Variants in FAM20A observed in about 807,000 individuals in gnomAD.
The protein encoded by FAM20A is FAM20A golgi associated secretory pathway pseudokinase.
Under a neutral mutation model 52.0 loss-of-function variants are expected in FAM20A, and 42 were observed. That is an observed-to-expected ratio of 0.81 (90% CI 0.63 to 1.04). The LOEUF (loss-of-function observed/expected upper bound fraction) is 1.04, where lower values mean the gene tolerates loss of function less well. FAM20A is among the 50% of genes least tolerant of loss of function. FAM20A has a pLI of 0.00. For synonymous variants in FAM20A, 304 were observed against 298.9 expected, an observed-to-expected ratio of 1.02 and a Z score of -0.18; for missense variants, 742 against 712.7, an observed-to-expected ratio of 1.04 and a Z score of -0.47.
chr17:68,570,766 C>G (rs2087514439), intron 1 of FAM20A, among the ~76,000 whole-genome samples: 1 of 152,178 alleles, frequency 6.6e-6, no homozygotes, highest in African/African-American at 2.4e-5. Flanking sequence ...GCCAAGTCCT[C>G]TCAAGTATAG....
At position 68,600,351 on chromosome 17, in the gene FAM20A, C is replaced by T. The variant is rs765880783; in HGVS notation, c.316G>A (p.Glu106Lys). The T allele has an allele frequency of 5.0e-6, 8 of 1,599,856 alleles. No individual in the cohort carries two copies. The highest frequency in any genetic ancestry group is 4.6e-5 in the East Asian group (2 of 43,938). ...FAHPLYNVPE[E>K]PPLLGAEDSL... ...TCCTCGGCTCCCAGGAGAGGCGGCTCCTCCGGGACGTTGTACAGCGGGTGG... is the reference window on the plus strand; with the variant it reads ...TCCTCGGCTCCCAGGAGAGGCGGCTTCTCCGGGACGTTGTACAGCGGGTGG... Residue 106 changes from glutamate to lysine, a missense_variant, in exon 1 of 11, where the codon GAG (glutamate) becomes AAG (lysine). Transcript: ENST00000592554. The surrounding 1 kb of genome is among the most constrained non-coding windows in gnomAD (Gnocchi z 6.2).
chr17:68,593,044 C>A, intron 1 of FAM20A, among the ~76,000 whole-genome samples: 1 of 152,246 alleles, frequency 6.6e-6, no homozygotes, highest in East Asian at 1.9e-4. Flanking sequence ...ATAGGATGTT[C>A]TGCCAAGTGA....
At chr17:68,566,842 A>G (rs891110534) in intron 1 of FAM20A, among the ~76,000 whole-genome samples, 2 of 152,260 alleles carry the variant, frequency 1.3e-5, no homozygotes, top group African/African-American at 2.4e-5. Flanking sequence ...GTCTTCAGAT[A>G]TGAAAATAAA....
chr17:68,571,906 A>G (rs933774878), intron 1 of FAM20A, among the ~76,000 whole-genome samples: 1 of 148,932 alleles, frequency 6.7e-6, no homozygotes, highest in Non-Finnish European at 1.5e-5. Context: ...GGTGACTTGA[A>G]GGCTTTTTTC....
At chr17:68,589,113 G>A (rs2088235450) in intron 1 of FAM20A, among the ~76,000 whole-genome samples, 1 of 152,204 alleles carries the variant, frequency 6.6e-6, no homozygotes, top group African/African-American at 2.4e-5. Flanking sequence ...ACTTCAAGAG[G>A]CTGTGGAGGC....
chr17:68,587,340 C>T (rs2088190596), intron 1 of FAM20A, among the ~76,000 whole-genome samples: 1 of 152,206 alleles, frequency 6.6e-6, no homozygotes, highest in South Asian at 2.1e-4. Context: ...ATCTAATTTT[C>T]TGACAGCAAA....
chr17:68,548,487 A>AC (rs1404769581), intron 4 of FAM20A, among the ~76,000 whole-genome samples: 13 of 151,844 alleles, frequency 8.6e-5, no homozygotes, highest in African/African-American at 2.7e-4. Context: ...CTGAGATTGA[A>AC]CCATTGCACT....
intron 1 of FAM20A, among the ~76,000 whole-genome samples, chr17:68,594,412 C>A (rs868390889): frequency 7.0e-4 from 100 of 143,490 alleles, no homozygotes; most frequent in African/African-American, 1.7e-3. Flanking sequence ...AAAAAAAAAA[C>A]AAAACAGTAT....
intron 4 of FAM20A, among the ~76,000 whole-genome samples, chr17:68,544,072 G>T (rs1364300030): frequency 6.6e-6 from 1 of 152,120 alleles, no homozygotes. Flanking sequence ...AGAGGGGAAT[G>T]GTTAGCAGAA....
chr17:68,600,896 C>G lies in FAM20A; in HGVS notation c.-230G>C. ...CTCTCGGAGTCAGCGGGCGTCGCTT[C>G]TCCGCGCCGAGTGAGCCGAGGGAAT... On this transcript the variant is annotated 5_prime_UTR_variant, in exon 1 of 11. Transcript: ENST00000592554. This position sits in a 1 kb window ranked among gnomAD's most constrained non-coding sequence, Gnocchi z 6.2. 2.0e-6 allele frequency: 1 copy of G among 498,196 alleles called. No homozygotes were observed. Among genetic ancestry groups the G allele is most frequent in the Non-Finnish European group, 3.5e-6 (1 of 287,832 alleles). 30.9% of individuals were successfully genotyped at this position (498,196 alleles called of 1,614,324 possible). A position where few individuals can be genotyped will look rare whatever the true frequency, so the allele number is the denominator to read the frequency against.
At chr17:68,572,167 C>T (rs2087582911) in intron 1 of FAM20A, among the ~76,000 whole-genome samples, 2 of 151,482 alleles carry the variant, frequency 1.3e-5, no homozygotes, top group African/African-American at 4.9e-5. Flanking sequence ...AGCCATTCAC[C>T]TGCCTTGACT....
intron 7 of FAM20A, 103 bp downstream of exon 7, chr17:68,541,882 A>G (rs1291283701): frequency 7.3e-7 from 1 of 1,370,114 alleles, no homozygotes; most frequent in African/African-American, 1.4e-5. Context: ...AGGAGTATTG[A>G]GGCAGCTTTT....
Position 68,600,201 on chromosome 17 carries a change from T to A in FAM20A, c.404+62A>T, listed in dbSNP as rs1168675989. On this transcript the variant is annotated intron_variant, in intron 1 of 10. Transcript: ENST00000592554. The surrounding 1 kb of genome is among the most constrained non-coding windows in gnomAD (Gnocchi z 6.2). ...CCGGGGGCGTCAGGAAACTCGAGAC[T>A]GGGGCGCGGGGAGGCCCCGGCCAGA... 1 of 1,530,852 alleles carries A rather than the reference T, an allele frequency of 6.5e-7. No homozygotes were observed. The highest frequency in any genetic ancestry group is 8.8e-7 in the Non-Finnish European group (1 of 1,138,020). 94.8% of individuals were successfully genotyped at this position (1,530,852 alleles called of 1,614,324 possible).
intron 9 of FAM20A, 135 bp downstream of exon 9, chr17:68,539,750 G>T: frequency 1.2e-6 from 1 of 801,232 alleles, no homozygotes; most frequent in Non-Finnish European, 2.1e-6. Flanking sequence ...AATGGAAGAA[G>T]CCGGGCTCGA....
intron 1 of FAM20A, among the ~76,000 whole-genome samples, chr17:68,599,953 A>G (rs2088564176): frequency 6.6e-6 from 1 of 152,130 alleles, no homozygotes; most frequent in African/African-American, 2.4e-5. Context: ...GCGGGAGTGG[A>G]CGAGGGAGCA....
chr17:68,569,921 C>G (rs950473254), intron 1 of FAM20A, among the ~76,000 whole-genome samples: 6 of 152,144 alleles, frequency 3.9e-5, no homozygotes, highest in African/African-American at 9.7e-5. Context: ...TTCTGTGTTG[C>G]GTTGCACAGT....
In FAM20A at chr17:68,600,151, T is replaced by G; in HGVS notation, c.404+112A>C. 7.8e-7 allele frequency: 1 copy of G among 1,275,780 alleles called. No homozygotes were observed. The allele number at this position is 1,275,780 out of a possible 1,614,324, so 79.0% of individuals were successfully genotyped here. The stretch of plus-strand genomic sequence containing the variant: ...AAGCCCAGCGCCAGGGCTGGAGCCG[T>G]GGGTGGAGCCGCTGCAGCCCTGGGC... On this transcript the variant is annotated intron_variant, in intron 1 of 10. Coordinates refer to ENST00000592554, the MANE Select transcript of FAM20A (RefSeq NM_017565.4). This position sits in a 1 kb window ranked among gnomAD's most constrained non-coding sequence, Gnocchi z 6.2.
chr17:68,541,894 A>C, intron 7 of FAM20A, 91 bp downstream of exon 7: 2 of 1,464,248 alleles, frequency 1.4e-6, no homozygotes, highest in Non-Finnish European at 1.9e-6. Context: ...GCAGCTTTTC[A>C]GATTCAAAAG....
At position 68,543,683 on chromosome 17, in the gene FAM20A, T is replaced by C. The variant is rs2143526006; in HGVS notation, c.758A>G (p.Tyr253Cys). ...RDEETPVDFF[Y>C]FIDFQRHNAE... is the part of the protein sequence containing the mutation. Reference sequence around the variant, plus strand: ...ATTGTGTCTCTGAAAGTCAATGAAGTAGAAGAAGTCCACTGGTGTCTCCTC... The same window carrying C: ...ATTGTGTCTCTGAAAGTCAATGAAGCAGAAGAAGTCCACTGGTGTCTCCTC... Residue 253 changes from tyrosine (Y) to cysteine (C), a missense_variant, in exon 5 of 11, where the codon TAC (tyrosine) becomes TGC (cysteine). Tyr to Cys is a radical substitution (Grantham distance 194). Transcript: ENST00000592554. 2 of 1,614,046 alleles carry C rather than the reference T, an allele frequency of 1.2e-6. No individual in the cohort carries two copies. Among genetic ancestry groups the C allele is most frequent in the Non-Finnish European group, 8.5e-7 (1 of 1,179,998 alleles).
Sources: allele counts gnomAD v4.1 joint callset (sites outside exome capture counted in the v4.1 genomes callset), GRCh38; gene constraint gnomAD v4.1.1; non-coding constraint Gnocchi (gnomAD v3.1); transcripts MANE v1.5; gene names NCBI Gene and HGNC (gene_info 2026-07-23, HGNC 2026-07-21).